ZFR2: variants seen among roughly 807,000 people sequenced by gnomAD.
ZFR2 encodes the protein zinc finger RNA-binding protein 2.
A neutral mutation model predicts 105.7 loss-of-function variants in ZFR2; 104 were observed. That is an observed-to-expected ratio of 0.98 (90% confidence interval 0.84 to 1.16). ZFR2 has a LOEUF of 1.16. ZFR2 is among the 50% of genes most tolerant of loss of function. The pLI, the probability that ZFR2 is intolerant of heterozygous loss-of-function variation, is 0.00. For missense variants in ZFR2, 1,425 were observed against 1,355.5 expected, an observed-to-expected ratio of 1.05 and a Z score of -0.80; for synonymous variants, 634 against 597.7, an observed-to-expected ratio of 1.06 and a Z score of -0.89.
At chr19:3,827,071 G>T (rs972533237) in intron 6 of ZFR2, among the ~76,000 whole-genome samples, 1 of 152,060 alleles carries the variant, frequency 6.6e-6, no homozygotes, top group African/African-American at 2.4e-5. Flanking sequence ...GTGAAACCCC[G>T]TCTCTACTGA....
Position 3,820,968 on chromosome 19 carries a change from G to C in ZFR2, c.1631+372C>G, listed in dbSNP as rs1212002927. ...GACACTAGAGGTCGGTGGACACAGG[G>C]ACACTAGAGGTCGGGGGACACAGGG... On this transcript the variant is annotated intron_variant, in intron 10 of 18. Coordinates refer to ENST00000262961, the MANE Select transcript of ZFR2 (RefSeq NM_015174.2). 1.1e-4 allele frequency among the ~76,000 whole-genome samples: 10 copies of C among 92,420 alleles called. No individual in the cohort carries two copies. In the East Asian group the frequency reaches 1.8e-3, roughly 16 times the overall value. The allele number at this position is 92,420 out of a possible 152,430, so 60.6% of individuals were successfully genotyped here.
intron 17 of ZFR2, among the ~76,000 whole-genome samples, chr19:3,807,648 T>C (rs759124312): frequency 9.9e-5 from 15 of 151,360 alleles, no homozygotes; most frequent in Non-Finnish European, 1.6e-4. Context: ...TGTGTGTGCA[T>C]GTGTGCCCGT....
At chr19:3,837,111 G>A (rs1278321633) in intron 1 of ZFR2, among the ~76,000 whole-genome samples, 4 of 152,120 alleles carry the variant, frequency 2.6e-5, no homozygotes, top group East Asian at 1.9e-4. Flanking sequence ...CATTCTCTGC[G>A]GCACAGGAAA....
chr19:3,848,355 T>C (rs2038203836), intron 1 of ZFR2, among the ~76,000 whole-genome samples: 1 of 150,424 alleles, frequency 6.6e-6, no homozygotes, highest in Admixed American at 6.6e-5. Context: ...GAGGTTGCAG[T>C]GACCCAAGAC....
chr19:3,805,926 C>T lies in ZFR2; in HGVS notation c.*23G>A, dbSNP rs1334796383. The T allele has an allele frequency of 1.1e-5, 16 of 1,514,010 alleles. No homozygotes were observed. Among genetic ancestry groups the T allele is most frequent in the South Asian group, 3.7e-5 (3 of 81,256 alleles). The allele number at this position is 1,514,010 out of a possible 1,614,324, so 93.8% of individuals were successfully genotyped here. On this transcript the variant is annotated 3_prime_UTR_variant, in exon 19 of 19. Transcript: ENST00000262961. ...CCAGGAGTGCAGGGATGCAAAGGCC[C>T]GCAGGTGGGGGAGGTAGGCGGCTCA... is the stretch of plus-strand genomic sequence containing the variant.
chr19:3,822,058 G>T, intron 9 of ZFR2, 23 bp downstream of exon 9: 1 of 1,576,558 alleles, frequency 6.3e-7, no homozygotes, highest in Non-Finnish European at 8.6e-7. Context: ...GACGGGTGTC[G>T]GAGCTCCCCC....
intron 1 of ZFR2, 121 bp from the exon 2 acceptor site, chr19:3,835,104 T>G: frequency 1.7e-6 from 2 of 1,153,010 alleles, no homozygotes; most frequent in Non-Finnish European, 2.5e-6. Flanking sequence ...GTGGAGACCC[T>G]CCTAGGAGCC....
intron 13 of ZFR2, among the ~76,000 whole-genome samples, chr19:3,816,291 G>T (rs1356903863): frequency 6.7e-6 from 1 of 149,574 alleles, no homozygotes; most frequent in Non-Finnish European, 1.5e-5. Flanking sequence ...TGTCGCCCAG[G>T]CTGGAGGGCA....
Position 3,807,175 on chromosome 19 carries a change from G to A in ZFR2, c.2640C>T (p.Ala880=), listed in dbSNP as rs1465253857. The A allele has an allele frequency of 6.4e-7, 1 of 1,552,782 alleles. No individual in the cohort carries two copies. The highest frequency in any genetic ancestry group is 1.4e-5 in the African/African-American group (1 of 73,178). Residue 880 remains alanine (A), a synonymous_variant, in exon 18 of 19, where the codon GCC becomes GCT. Coordinates refer to ENST00000262961, the MANE Select transcript of ZFR2 (RefSeq NM_015174.2). ...LQEREDVTAS[A]QHALRMLAFR... ...TGCCGTGACTTGACCCTCCTACCTGGGCGCTGGCGGTCACGTCTTCCCGCT... is the reference window on the plus strand; with the variant it reads ...TGCCGTGACTTGACCCTCCTACCTGAGCGCTGGCGGTCACGTCTTCCCGCT...
intron 1 of ZFR2, among the ~76,000 whole-genome samples, chr19:3,839,044 A>G (rs2038107416): frequency 6.6e-6 from 1 of 152,152 alleles, no homozygotes; most frequent in Non-Finnish European, 1.5e-5. Context: ...GCAGCTCTAC[A>G]GAAGGATGGA....
chr19:3,807,209 G>C lies in ZFR2; in HGVS notation c.2606C>G (p.Thr869Ser). The C allele has an allele frequency of 6.4e-7, 1 of 1,559,750 alleles. No homozygotes were observed. The highest frequency in any genetic ancestry group is 8.7e-7 in the Non-Finnish European group (1 of 1,151,230). Residue 869 changes from threonine to serine, a missense_variant, in exon 18 of 19, where the codon ACC becomes AGC. Thr to Ser is a moderately conservative substitution (Grantham distance 58). Coordinates refer to ENST00000262961, the MANE Select transcript of ZFR2 (RefSeq NM_015174.2). ...GGTCACGTCTTCCCGCTCTTGGAGG[G>C]TCATGGGCTCGAGGGCATCTGTCTG... ...RDQTDALEPM[T>S]LQEREDVTAS...
chr19:3,847,865 C>T (rs2038198767), intron 1 of ZFR2, among the ~76,000 whole-genome samples: 1 of 152,140 alleles, frequency 6.6e-6, no homozygotes, highest in African/African-American at 2.4e-5. Context: ...TCATCAGGCT[C>T]CACTCCTGGA....
intron 15 of ZFR2, 79 bp downstream of exon 15, chr19:3,811,193 C>T (rs1478799995): frequency 2.6e-5 from 36 of 1,382,384 alleles, no homozygotes; most frequent in South Asian, 1.0e-4. Context: ...GAGGCGGCCG[C>T]GCCGGGTTGA....
chr19:3,818,902 T>C (rs2145143819), intron 12 of ZFR2, 143 bp downstream of exon 12: 3 of 1,037,740 alleles, frequency 2.9e-6, no homozygotes, highest in East Asian at 2.7e-5. Context: ...GGGAACTTCC[T>C]ACTCCTGGGG....
intron 1 of ZFR2, among the ~76,000 whole-genome samples, chr19:3,853,050 GC>G (rs2038258370): frequency 6.6e-6 from 1 of 152,198 alleles, no homozygotes; most frequent in Non-Finnish European, 1.5e-5. Context: ...GATCACTTGA[GC>G]CCAGGAGTTG....
rs1414600527 is a variant in ZFR2 at position 3,810,770 on chromosome 19, A to G, written c.2413T>C (p.Trp805Arg). 1 of 1,549,856 alleles carries G rather than the reference A, an allele frequency of 6.5e-7. No individual in the cohort carries two copies. The highest frequency in any genetic ancestry group is 1.2e-5 in the South Asian group (1 of 83,994). Residue 805 changes from tryptophan to arginine, a missense_variant, in exon 16 of 19, where the codon TGG becomes CGG. Trp to Arg is a moderately radical substitution (Grantham distance 101). Coordinates refer to ENST00000262961, the MANE Select transcript of ZFR2 (RefSeq NM_015174.2). ...CTTACCCAGGCTGGCAGGGCCCCCC[A>G]GGTGGGCACACGCCGGCAGAGGTCC... ...LRDLCRRVPT[W>R]GALPAWAMEL...
intron 3 of ZFR2, among the ~76,000 whole-genome samples, chr19:3,832,390 C>G (rs1023880536): frequency 3.3e-5 from 5 of 151,414 alleles, no homozygotes; most frequent in African/African-American, 1.2e-4. Flanking sequence ...GGCATGATCT[C>G]GGCTCACTGC....
chr19:3,817,436 G>A (rs1398083153), intron 12 of ZFR2, among the ~76,000 whole-genome samples: 1 of 151,782 alleles, frequency 6.6e-6, no homozygotes, highest in Non-Finnish European at 1.5e-5. Context: ...GCGGGTGCCT[G>A]TAATCTCAGC....
At chr19:3,853,715 T>C (rs893319761) in intron 1 of ZFR2, among the ~76,000 whole-genome samples, 1 of 152,164 alleles carries the variant, frequency 6.6e-6, no homozygotes, top group African/African-American at 2.4e-5. Flanking sequence ...TGGAGTTTCC[T>C]TTTGGGCCGA....
Sources: allele counts gnomAD v4.1 joint callset (sites outside exome capture counted in the v4.1 genomes callset), GRCh38; gene constraint gnomAD v4.1.1; transcripts MANE v1.5; gene names NCBI Gene and HGNC (gene_info 2026-07-23, HGNC 2026-07-21).